The following TMEM41B variants were observed in gnomAD, a reference collection of about 807,000 sequenced individuals.
TMEM41B encodes the protein transmembrane protein 41B.
TMEM41B carries 18 observed loss-of-function variants against 31.9 expected under a neutral mutation model. The observed-to-expected ratio is 0.56, with a 90% CI of 0.39 to 0.84. The LOEUF is 0.84. Among genes scored for constraint, TMEM41B ranks in the 40% least tolerant of loss-of-function variants. The probability of loss-of-function intolerance (pLI) is 0.00; values close to 1 mark genes in which losing one functional copy is unlikely to be tolerated. For synonymous variants in TMEM41B, 144 were observed against 124.3 expected, an observed-to-expected ratio of 1.16 and a Z score of -1.05; for missense variants, 322 against 348.0, an observed-to-expected ratio of 0.93 and a Z score of 0.59.
intron 3 of TMEM41B, among the ~76,000 whole-genome samples, chr11:9,290,972 C>T (rs925843076): frequency 6.6e-6 from 1 of 151,976 alleles, no homozygotes; most frequent in Non-Finnish European, 1.5e-5. Flanking sequence ...AAAAATTGGC[C>T]AGTCACAGTG....
chr11:9,291,039 C>G (rs867160143), intron 3 of TMEM41B, among the ~76,000 whole-genome samples: 5 of 152,030 alleles, frequency 3.3e-5, no homozygotes, highest in Non-Finnish European at 5.9e-5. Context: ...TCTCTTGAAC[C>G]CAGAGGGCAG....
chr11:9,308,968 G>A (rs572308750), intron 1 of TMEM41B, among the ~76,000 whole-genome samples: 1 of 152,170 alleles, frequency 6.6e-6, no homozygotes, highest in South Asian at 2.1e-4. Flanking sequence ...TCTGATCCTG[G>A]CCGGGCGTGG....
rs1852729192 is a variant in TMEM41B at position 9,282,081 on chromosome 11, A to G, written c.*1343T>C. 6.6e-6 allele frequency: 1 copy of G among 152,196 alleles called. No homozygotes were observed. Among genetic ancestry groups the G allele is most frequent in the Non-Finnish European group, 1.5e-5 (1 of 68,028 alleles). The allele number at this position is 152,196 out of a possible 1,614,324, so 9.4% of individuals were successfully genotyped here. On this transcript the variant is annotated 3_prime_UTR_variant, in exon 7 of 7. Coordinates refer to ENST00000528080, the MANE Select transcript of TMEM41B (RefSeq NM_015012.4). ...GAGCCATAACAAATTATCTGAATAT[A>G]AATTATCAATACCAGGCTGGGCACA...
chr11:9,285,641 A>C lies in TMEM41B; in HGVS notation c.706+814T>G, dbSNP rs568204010. ...TCAAAATCAAGTATTATTTCCTTAAAAGCAAGAAAGTTTGTTGATCCTTGC... is the reference window on the plus strand; with the variant it reads ...TCAAAATCAAGTATTATTTCCTTAACAGCAAGAAAGTTTGTTGATCCTTGC... On this transcript the variant is annotated intron_variant, in intron 6 of 6. Coordinates refer to ENST00000528080, the MANE Select transcript of TMEM41B (RefSeq NM_015012.4). Among the ~76,000 whole-genome samples, 24 of 152,290 alleles carry C rather than the reference A, an allele frequency of 1.6e-4. No individual in the cohort carries two copies. The East Asian group carries it at 4.6e-3, about 29-fold the overall frequency.
rs1852756949 is a variant in TMEM41B at position 9,283,022 on chromosome 11, C to CT, written c.*401_*402insA. On this transcript the variant is annotated 3_prime_UTR_variant, in exon 7 of 7. Coordinates refer to ENST00000528080, the MANE Select transcript of TMEM41B (RefSeq NM_015012.4). ...AGTTTATGCTCTGAAAAAAGCCTAA[C>CT]ATTAACAAAACCTGCAACACTACTT... is the stretch of plus-strand genomic sequence containing the variant. 2 of 148,426 alleles carry CT rather than the reference C, an allele frequency of 1.3e-5. No individual in the cohort carries two copies. The highest frequency in any genetic ancestry group is 1.3e-4 in the Admixed American group (2 of 14,890). The allele number at this position is 148,426 out of a possible 1,614,324, so 9.2% of individuals were successfully genotyped here.
intron 1 of TMEM41B, among the ~76,000 whole-genome samples, 157 bp from the exon 2 acceptor site, chr11:9,299,858 G>A (rs1445294250): frequency 1.8e-4 from 28 of 152,134 alleles, no homozygotes; most frequent in Admixed American, 1.6e-3. Context: ...AGTGACTCAC[G>A]CCTGTAATCC....
At chr11:9,307,649 T>A (rs1457940770) in intron 1 of TMEM41B, among the ~76,000 whole-genome samples, 3 of 151,668 alleles carry the variant, frequency 2.0e-5, no homozygotes, top group African/African-American at 7.3e-5. Context: ...TCCATGTTGG[T>A]CAGGCTGGTC....
rs1279758022 is a variant in TMEM41B at position 9,280,832 on chromosome 11, A to T, written c.*2592T>A. ...TAGCCTGCTTGCCTCCGCACCACAG[A>T]TGCTTGTCTTCTTGTGGTTGTTACC... On this transcript the variant is annotated 3_prime_UTR_variant, in exon 7 of 7. Coordinates refer to ENST00000528080, the MANE Select transcript of TMEM41B (RefSeq NM_015012.4). 6.6e-6 allele frequency: 1 copy of T among 152,228 alleles called. No individual in the cohort carries two copies. Among genetic ancestry groups the T allele is most frequent in the Non-Finnish European group, 1.5e-5 (1 of 68,048 alleles). 9.4% of individuals were successfully genotyped at this position (152,228 alleles called of 1,614,324 possible). A position where few individuals can be genotyped will look rare whatever the true frequency, so the allele number is the denominator to read the frequency against.
intron 2 of TMEM41B, among the ~76,000 whole-genome samples, chr11:9,296,493 G>A (rs1011900726): frequency 2.6e-5 from 4 of 151,354 alleles, no homozygotes; most frequent in African/African-American, 4.9e-5. Context: ...GGGCATGGTG[G>A]TGCATGCCTG....
chr11:9,296,132 C>T (rs746347248), intron 2 of TMEM41B, among the ~76,000 whole-genome samples: 6 of 152,022 alleles, frequency 3.9e-5, no homozygotes, highest in Non-Finnish European at 5.9e-5. Context: ...GCTGGGATTA[C>T]AGGAGTAAGC....
intron 1 of TMEM41B, among the ~76,000 whole-genome samples, chr11:9,309,648 C>T (rs1382172422): frequency 6.6e-5 from 10 of 151,568 alleles, no homozygotes; most frequent in South Asian, 2.1e-4. Flanking sequence ...GTCAGCCAGG[C>T]GCAGTGGCTT....
intron 6 of TMEM41B, among the ~76,000 whole-genome samples, chr11:9,285,021 A>T (rs2133608033): frequency 6.6e-6 from 1 of 152,246 alleles, no homozygotes; most frequent in African/African-American, 2.4e-5. Context: ...TAACAAAATT[A>T]AAAATTCCCC....
chr11:9,311,308 A>T, intron 1 of TMEM41B: 1 of 1,526,180 alleles, frequency 6.6e-7, no homozygotes, highest in Non-Finnish European at 8.9e-7. Context: ...GAAGAGGAGG[A>T]GGAATGCTTG....
chr11:9,293,311 C>G (rs1173274968), intron 3 of TMEM41B, among the ~76,000 whole-genome samples: 2 of 152,160 alleles, frequency 1.3e-5, no homozygotes, highest in Non-Finnish European at 2.9e-5. Flanking sequence ...CTACATTGCC[C>G]AAGCCAGTCT....
Position 9,314,536 on chromosome 11 carries a change from A to G in TMEM41B, c.-95T>C. ...CTTACTACGCCGAAGCGCCACGGCT[A>G]GAGCCACTTCCGGCGCGACCTCCTC... On this transcript the variant is annotated 5_prime_UTR_variant, in exon 1 of 7. Transcript: ENST00000528080. 2.1e-6 allele frequency: 3 copies of G among 1,444,272 alleles called. No individual in the cohort carries two copies. The highest frequency in any genetic ancestry group is 2.7e-6 in the Non-Finnish European group (3 of 1,096,772). 89.5% of individuals were successfully genotyped at this position (1,444,272 alleles called of 1,614,324 possible). A position where few individuals can be genotyped will look rare whatever the true frequency, so the allele number is the denominator to read the frequency against.
At chr11:9,284,026 C>T (rs1274868166) in intron 6 of TMEM41B, among the ~76,000 whole-genome samples, 3 of 151,996 alleles carry the variant, frequency 2.0e-5, no homozygotes, top group Non-Finnish European at 4.4e-5. Context: ...TCAGATGATC[C>T]GCCCACCTCA....
Position 9,283,487 on chromosome 11 carries a change from G to A in TMEM41B, c.813C>T (p.Ile271=). The A allele has an allele frequency of 1.9e-6, 3 of 1,613,300 alleles. No homozygotes were observed. Among genetic ancestry groups the A allele is most frequent in the Non-Finnish European group, 2.5e-6 (3 of 1,179,740 alleles). ...CTGGCAGAATAGAAAGAACAGCCAA[G>A]ATCATCAGAATAAATATTGAGTTCC... ...VSWNSIFILM[I]LAVLSILPAI... is the part of the protein sequence containing the mutation. The change falls in exon 7 of 7, where the codon ATC becomes ATT. Residue 271 remains isoleucine (I), a synonymous_variant. Transcript: ENST00000528080.
At chr11:9,295,171 G>T in intron 3 of TMEM41B, 88 bp downstream of exon 3, 1 of 1,254,000 alleles carries the variant, frequency 8.0e-7, no homozygotes, top group Non-Finnish European at 1.0e-6. Context: ...AATTTTAAAA[G>T]GAAAATAGTT....
In TMEM41B at chr11:9,314,310, G is replaced by A; in HGVS notation, c.121+11C>T. The A allele has an allele frequency of 6.3e-7, 1 of 1,595,638 alleles. No individual in the cohort carries two copies. The highest frequency in any genetic ancestry group is 1.3e-5 in the African/African-American group (1 of 74,256). ...GGGCCACCCCCAGCTCTGCTCCCCG[G>A]GCCCACTCACCCTTCTGGTGGTCTC... On this transcript the variant is annotated intron_variant, in intron 1 of 6. Coordinates refer to ENST00000528080, the MANE Select transcript of TMEM41B (RefSeq NM_015012.4).
Sources: gnomAD v4.1 joint callset for allele counts (sites outside exome capture counted in the v4.1 genomes callset) on GRCh38, gnomAD v4.1.1 for gene constraint, MANE v1.5 for transcripts, NCBI Gene and HGNC (gene_info 2026-07-23, HGNC 2026-07-21) for gene names.